AGAP1: variants seen among roughly 807,000 people sequenced by gnomAD.
The protein encoded by AGAP1 is arf-GAP with GTPase, ANK repeat and PH domain-containing protein 1.
A neutral mutation model predicts 105.3 loss-of-function variants in AGAP1; 29 were observed. The ratio of observed to expected loss-of-function variants is 0.28; its 90% CI spans 0.21 to 0.38. The LOEUF (loss-of-function observed/expected upper bound fraction) is 0.38. Among genes scored for constraint, AGAP1 ranks in the 10% least tolerant of loss-of-function variants. The pLI is 1.00. For missense variants in AGAP1, 998 were observed against 1,165.1 expected, an observed-to-expected ratio of 0.86 and a Z score of 2.09; for synonymous variants, 509 against 485.9, an observed-to-expected ratio of 1.05 and a Z score of -0.63.
At chr2:235,515,205 G>C (rs1942329691) in intron 1 of AGAP1, among the ~76,000 whole-genome samples, 1 of 152,182 alleles carries the variant, frequency 6.6e-6, no homozygotes, top group African/African-American at 2.4e-5. Context: ...GACTCAAGCA[G>C]ACATGGATTT....
chr2:236,130,420 A>G lies in AGAP1; in HGVS notation c.*6298A>G, dbSNP rs7592432. On this transcript the variant is annotated 3_prime_UTR_variant, in exon 18 of 18. Transcript: ENST00000304032. This position sits in a 1 kb window ranked among gnomAD's most constrained non-coding sequence, Gnocchi z 5.8. ...GTGAAAGAAAGGAACCAAACAAGGC[A>G]TGAGTGTGTTGGGGAATCTTCCCAG... 0.18 allele frequency: 26,958 copies of G among 152,118 alleles called. 2,837 individuals carry two copies. Among genetic ancestry groups the G allele is most frequent in the African/African-American group, 0.27 (11,349 of 41,464 alleles). The allele number at this position is 152,118 out of a possible 1,614,324, so 9.4% of individuals were successfully genotyped here.
Position 236,045,194 on chromosome 2 carries a change from G to T in AGAP1, c.1892-3865G>T, listed in dbSNP as rs1051930091. Among the ~76,000 whole-genome samples the T allele has an allele frequency of 6.6e-6, 1 of 152,184 alleles. No homozygotes were observed. Among genetic ancestry groups the T allele is most frequent in the Non-Finnish European group, 1.5e-5 (1 of 68,038 alleles). On this transcript the variant is annotated intron_variant, in intron 15 of 17. Coordinates refer to ENST00000304032, the MANE Select transcript of AGAP1 (RefSeq NM_001037131.3). This position sits in a 1 kb window ranked among gnomAD's most constrained non-coding sequence, Gnocchi z 6.9. ...ACCTCCCAAAGTGCTGGGATTATAGGCAGGAGCCACTGTGCTGGGCCTAGT... is the reference window on the plus strand; with the variant it reads ...ACCTCCCAAAGTGCTGGGATTATAGTCAGGAGCCACTGTGCTGGGCCTAGT...
At chr2:235,933,214 A>AT (rs2052809497) in intron 12 of AGAP1, among the ~76,000 whole-genome samples, 1 of 152,132 alleles carries the variant, frequency 6.6e-6, no homozygotes, top group African/African-American at 2.4e-5. Flanking sequence ...AACCAGATGG[A>AT]TTTTTTTGTG....
chr2:235,617,192 G>C (rs1004997329), intron 1 of AGAP1, among the ~76,000 whole-genome samples: 3 of 152,198 alleles, frequency 2.0e-5, no homozygotes, highest in Admixed American at 2.0e-4. Context: ...TGTGTGAATA[G>C]ATGAGGAACA....
chr2:235,831,681 T>A (rs1378626131), intron 9 of AGAP1, among the ~76,000 whole-genome samples: 1 of 152,248 alleles, frequency 6.6e-6, no homozygotes, highest in Admixed American at 6.5e-5. Context: ...ATTGCCTGGA[T>A]GTACCATGGT....
Position 235,992,406 on chromosome 2 carries a change from C to T in AGAP1, c.1645+23783C>T, listed in dbSNP as rs1454328069. Among the ~76,000 whole-genome samples, 1 of 152,160 alleles carries T rather than the reference C, an allele frequency of 6.6e-6. No homozygotes were observed. Among genetic ancestry groups the T allele is most frequent in the Non-Finnish European group, 1.5e-5 (1 of 68,010 alleles). ...AGGATTCACTCAATGAACTCCTGTG[C>T]TTTGAGTGTCTGGCGTTCAGTGGCA... On this transcript the variant is annotated intron_variant, in intron 13 of 17. Transcript: ENST00000304032. This position sits in a 1 kb window ranked among gnomAD's most constrained non-coding sequence, Gnocchi z 4.8.
chr2:236,124,183 C>A lies in AGAP1; in HGVS notation c.*61C>A. 1 of 1,571,548 alleles carries A rather than the reference C, an allele frequency of 6.4e-7. No individual in the cohort carries two copies. The highest frequency in any genetic ancestry group is 8.7e-7 in the Non-Finnish European group (1 of 1,151,916). The stretch of plus-strand genomic sequence containing the variant: ...ACGCGGCAGCCTCGCCGCATTCTCG[C>A]TCAGAAGTCGCAGCACGTGAGTCCC... On this transcript the variant is annotated 3_prime_UTR_variant, in exon 18 of 18. Coordinates refer to ENST00000304032, the MANE Select transcript of AGAP1 (RefSeq NM_001037131.3). This position sits in a 1 kb window ranked among gnomAD's most constrained non-coding sequence, Gnocchi z 5.1.
chr2:235,953,372 A>G lies in AGAP1; in HGVS notation c.1484-15090A>G, dbSNP rs772651214. Among the ~76,000 whole-genome samples, 5 of 152,198 alleles carry G rather than the reference A, an allele frequency of 3.3e-5. No homozygotes were observed. Among genetic ancestry groups the G allele is most frequent in the Non-Finnish European group, 7.3e-5 (5 of 68,028 alleles). On this transcript the variant is annotated intron_variant, in intron 12 of 17. Transcript: ENST00000304032. This position sits in a 1 kb window ranked among gnomAD's most constrained non-coding sequence, Gnocchi z 5.2. Reference sequence around the variant, plus strand: ...GGAAAAGAAAACGTAATTTATCGTTATAAGATGTTAATTTTTTATTCTCCA... The same window carrying G: ...GGAAAAGAAAACGTAATTTATCGTTGTAAGATGTTAATTTTTTATTCTCCA...
Position 235,994,192 on chromosome 2 carries a change from C to T in AGAP1, c.1645+25569C>T, listed in dbSNP as rs187161181. On this transcript the variant is annotated intron_variant, in intron 13 of 17. Coordinates refer to ENST00000304032, the MANE Select transcript of AGAP1 (RefSeq NM_001037131.3). This position sits in a 1 kb window ranked among gnomAD's most constrained non-coding sequence, Gnocchi z 4.4. ...TATGTGTCCTTTTTAAGAGTCTTGT[C>T]GTTTCATACTCTCATTTTGGCAAGA... Among the ~76,000 whole-genome samples, 29 of 152,196 alleles carry T rather than the reference C, an allele frequency of 1.9e-4. No individual in the cohort carries two copies. The East Asian group carries it at 5.2e-3, about 27-fold the overall frequency.
chr2:236,028,869 G>A (rs1026901439), intron 13 of AGAP1, among the ~76,000 whole-genome samples: 1 of 152,158 alleles, frequency 6.6e-6, no homozygotes, highest in Non-Finnish European at 1.5e-5. Flanking sequence ...CTCTGTCCAA[G>A]GTAATGGAGT....
At chr2:235,670,441 C>A in intron 1 of AGAP1, 1 of 552,054 alleles carries the variant, frequency 1.8e-6, no homozygotes, top group South Asian at 2.0e-5. Flanking sequence ...GCGCACGCGG[C>A]CTGGAACCCG....
At chr2:235,598,889 A>G (rs1035675306) in intron 1 of AGAP1, among the ~76,000 whole-genome samples, 13 of 152,176 alleles carry the variant, frequency 8.5e-5, no homozygotes, top group African/African-American at 3.1e-4. Flanking sequence ...AAAGCACATG[A>G]GAAATGAGTT....
chr2:236,046,323 C>T lies in AGAP1; in HGVS notation c.1892-2736C>T, dbSNP rs1038245853. 3.3e-5 allele frequency among the ~76,000 whole-genome samples: 5 copies of T among 152,072 alleles called. No homozygotes were observed. The highest frequency in any genetic ancestry group is 1.2e-4 in the African/African-American group (5 of 41,398). ...TCAGAGATGCCGTGTTCAGTGGGGC[C>T]CTGGCTGCTGTGTGAAGAGGTCTGC... is the stretch of plus-strand genomic sequence containing the variant. On this transcript the variant is annotated intron_variant, in intron 15 of 17. Transcript: ENST00000304032. The surrounding 1 kb of genome is among the most constrained non-coding windows in gnomAD (Gnocchi z 5.2).
chr2:235,852,803 T>C, intron 9 of AGAP1: 4 of 1,524,836 alleles, frequency 2.6e-6, no homozygotes, highest in East Asian at 5.1e-5. Flanking sequence ...CAGCCCGCAT[T>C]GTGCTGAAGG....
In AGAP1 at chr2:235,769,941, A is replaced by G. The variant is rs890174829; in HGVS notation, c.673+19453A>G. 1.3e-5 allele frequency among the ~76,000 whole-genome samples: 2 copies of G among 152,196 alleles called. No individual in the cohort carries two copies. The highest frequency in any genetic ancestry group is 2.4e-5 in the African/African-American group (1 of 41,438). On this transcript the variant is annotated intron_variant, in intron 6 of 17. Transcript: ENST00000304032. The surrounding 1 kb of genome is among the most constrained non-coding windows in gnomAD (Gnocchi z 4.4). The stretch of plus-strand genomic sequence containing the variant: ...TGTATTTCTATTAAGATACACACTT[A>G]TGTATGTTTCATATATTAGCAAGTG...
Position 235,830,083 on chromosome 2 carries a change from G to T in AGAP1, c.1050+22752G>T, listed in dbSNP as rs1238923550. Among the ~76,000 whole-genome samples the T allele has an allele frequency of 6.6e-6, 1 of 152,182 alleles. No individual in the cohort carries two copies. Among genetic ancestry groups the T allele is most frequent in the African/African-American group, 2.4e-5 (1 of 41,446 alleles). On this transcript the variant is annotated intron_variant, in intron 9 of 17. Coordinates refer to ENST00000304032, the MANE Select transcript of AGAP1 (RefSeq NM_001037131.3). This position sits in a 1 kb window ranked among gnomAD's most constrained non-coding sequence, Gnocchi z 5.5. ...TGATGCAGAGCTTTGGCGGCTGGCT[G>T]ATGGAGTCGTTCTCATTTGTGAAGA... is the stretch of plus-strand genomic sequence containing the variant.
intron 3 of AGAP1, 93 bp downstream of exon 3, chr2:235,717,737 A>T: frequency 9.5e-7 from 1 of 1,047,658 alleles, no homozygotes; most frequent in South Asian, 1.5e-5. Context: ...GATGTATCAC[A>T]GGTCAAGAAA....
chr2:235,984,540 A>T (rs2055227467), intron 13 of AGAP1, among the ~76,000 whole-genome samples: 1 of 148,940 alleles, frequency 6.7e-6, no homozygotes, highest in Non-Finnish European at 1.5e-5. Flanking sequence ...TTTGTTACAT[A>T]GGTATACATA....
At chr2:235,645,829 GA>G (rs1472238796) in intron 1 of AGAP1, among the ~76,000 whole-genome samples, 9 of 152,156 alleles carry the variant, frequency 5.9e-5, no homozygotes, top group African/African-American at 1.9e-4. Context: ...AAACAGTTTA[GA>G]GAGCTTTTCT....
Sources: allele counts gnomAD v4.1 joint callset (sites outside exome capture counted in the v4.1 genomes callset), GRCh38; gene constraint gnomAD v4.1.1; non-coding constraint Gnocchi (gnomAD v3.1); transcripts MANE v1.5; gene names NCBI Gene and HGNC (gene_info 2026-07-23, HGNC 2026-07-21).